Variants in PPP2R5E observed in about 807,000 individuals in gnomAD.
PPP2R5E encodes the protein protein phosphatase 2 regulatory subunit B'epsilon, also known as serine/threonine-protein phosphatase 2A 56 kDa regulatory subunit epsilon isoform.
PPP2R5E carries 4 observed loss-of-function variants against 65.3 expected under a neutral mutation model. That is an observed-to-expected ratio of 0.06 (90% CI 0.03 to 0.14). The LOEUF is 0.14. Among genes scored for constraint, PPP2R5E ranks in the 10% least tolerant of loss-of-function variants. The pLI, the probability that PPP2R5E is intolerant of heterozygous loss-of-function variation, is 1.00. For missense variants in PPP2R5E, 274 were observed against 556.1 expected, an observed-to-expected ratio of 0.49 and a Z score of 5.10; for synonymous variants, 183 against 187.4, an observed-to-expected ratio of 0.98 and a Z score of 0.19.
chr14:63,502,415 C>A (rs1261860467), intron 2 of PPP2R5E, among the ~76,000 whole-genome samples: 4 of 152,132 alleles, frequency 2.6e-5, no homozygotes, highest in African/African-American at 9.7e-5. Context: ...CAGTGGCTCA[C>A]GCCTGTAATC....
At chr14:63,517,349 T>C (rs931570723) in intron 2 of PPP2R5E, among the ~76,000 whole-genome samples, 1 of 152,212 alleles carries the variant, frequency 6.6e-6, no homozygotes, top group East Asian at 1.9e-4. Flanking sequence ...ATTTTGATAT[T>C]AAATATAGAT....
intron 3 of PPP2R5E, among the ~76,000 whole-genome samples, chr14:63,427,498 A>G (rs1331280562): frequency 6.6e-6 from 1 of 152,198 alleles, no homozygotes. Context: ...TTAGGATCAA[A>G]CTAAAGGCTT....
At chr14:63,425,026 T>C (rs770079131) in intron 3 of PPP2R5E, among the ~76,000 whole-genome samples, 21 of 152,258 alleles carry the variant, frequency 1.4e-4, no homozygotes, top group Admixed American at 3.3e-4. Flanking sequence ...ATTGAGGAAA[T>C]AGAAGCATGG....
chr14:63,390,314 ACACACAC>A (rs1884943890), intron 10 of PPP2R5E, among the ~76,000 whole-genome samples: 2 of 151,762 alleles, frequency 1.3e-5, no homozygotes, highest in African/African-American at 4.9e-5. Context: ...ACACACACAC[ACACACAC>A]ACACACACAC....
At chr14:63,389,220 T>C (rs1884863470) in intron 11 of PPP2R5E, among the ~76,000 whole-genome samples, 1 of 151,762 alleles carries the variant, frequency 6.6e-6, no homozygotes, top group Non-Finnish European at 1.5e-5. Flanking sequence ...TAGTAAGGAA[T>C]ATTAGGTTTT....
chr14:63,415,426 A>G (rs1594848500), intron 4 of PPP2R5E, among the ~76,000 whole-genome samples, 194 bp from the exon 5 acceptor site: 1 of 152,290 alleles, frequency 6.6e-6, no homozygotes, highest in East Asian at 1.9e-4. Flanking sequence ...TTTAAATTAG[A>G]AAATACAACT....
intron 2 of PPP2R5E, among the ~76,000 whole-genome samples, chr14:63,537,318 G>C (rs559347399): frequency 6.6e-6 from 1 of 152,030 alleles, no homozygotes; most frequent in South Asian, 2.1e-4. Context: ...ATCTACTTCA[G>C]ATTAAATAGA....
intron 5 of PPP2R5E, among the ~76,000 whole-genome samples, chr14:63,412,713 T>C (rs1401698416): frequency 6.6e-6 from 1 of 152,240 alleles, no homozygotes; most frequent in Admixed American, 6.5e-5. Context: ...TTTCTATTTA[T>C]CTTGGGGATT....
At chr14:63,452,377 C>T (rs972570436) in intron 3 of PPP2R5E, 7 of 152,192 alleles carry the variant, frequency 4.6e-5, no homozygotes, top group African/African-American at 1.7e-4. Context: ...CCAGATAATT[C>T]TTTATTGTGG....
At chr14:63,473,768 A>C (rs771956888) in intron 2 of PPP2R5E, among the ~76,000 whole-genome samples, 2 of 152,214 alleles carry the variant, frequency 1.3e-5, no homozygotes, top group Non-Finnish European at 2.9e-5. Flanking sequence ...CAAGTCTCTT[A>C]AAGTTTTTAG....
chr14:63,489,789 G>GAATTT (rs10624396), intron 2 of PPP2R5E, among the ~76,000 whole-genome samples: 22,166 of 151,960 alleles, frequency 0.15, 1,726 homozygotes, highest in East Asian at 0.21. Context: ...TGGTATGTCA[G>GAATTT]AATTCAAGTA....
At chr14:63,440,906 G>A (rs1036556444) in intron 3 of PPP2R5E, among the ~76,000 whole-genome samples, 6 of 140,140 alleles carry the variant, frequency 4.3e-5, no homozygotes, top group African/African-American at 1.1e-4. Flanking sequence ...CCGAGATCGC[G>A]CCACTGCACT....
chr14:63,373,467 CACA>C lies in PPP2R5E; in HGVS notation c.*2539_*2541del, dbSNP rs1306947629. On this transcript the variant is annotated 3_prime_UTR_variant, in exon 14 of 14. Transcript: ENST00000337537. ...ACCTCAGTTACTCTGCGTCACCGCA[CACA>C]ACATGACTAATGTCACATTGTCACT... 13 of 152,032 alleles carry C rather than the reference CACA, an allele frequency of 8.6e-5. 1 individual carries two copies. Among genetic ancestry groups the C allele is most frequent in the South Asian group, 2.1e-4 (1 of 4,818 alleles). 9.4% of individuals were successfully genotyped at this position (152,032 alleles called of 1,614,324 possible).
chr14:63,454,022 A>G (rs1052496279), intron 2 of PPP2R5E, 137 bp from the exon 3 acceptor site: 2 of 624,130 alleles, frequency 3.2e-6, no homozygotes, highest in Non-Finnish European at 5.0e-6. Context: ...TCACAGTTAC[A>G]CATGGGTGGG....
chr14:63,405,908 G>A (rs1886051095), intron 5 of PPP2R5E, among the ~76,000 whole-genome samples: 1 of 152,172 alleles, frequency 6.6e-6, no homozygotes, highest in South Asian at 2.1e-4. Context: ...AGACAAAAGT[G>A]CACTATGCAA....
At chr14:63,485,464 G>A (rs12896960) in intron 2 of PPP2R5E, among the ~76,000 whole-genome samples, 21,048 of 152,076 alleles carry the variant, frequency 0.14, 2,011 homozygotes, top group Non-Finnish European at 0.2. Context: ...GCCCAGGCTG[G>A]AGTGCAACAG....
At chr14:63,524,092 C>T (rs1193966275) in intron 2 of PPP2R5E, among the ~76,000 whole-genome samples, 1 of 152,138 alleles carries the variant, frequency 6.6e-6, no homozygotes, top group African/African-American at 2.4e-5. Context: ...CAGTATTTTT[C>T]CTGAAATGGT....
chr14:63,469,117 T>G (rs1169370821), intron 2 of PPP2R5E, among the ~76,000 whole-genome samples: 1 of 152,198 alleles, frequency 6.6e-6, no homozygotes, highest in African/African-American at 2.4e-5. Flanking sequence ...GAACACTTTT[T>G]ACATGCCAGG....
intron 3 of PPP2R5E, among the ~76,000 whole-genome samples, chr14:63,431,111 T>A (rs1887645684): frequency 6.6e-6 from 1 of 151,932 alleles, no homozygotes; most frequent in Admixed American, 6.6e-5. Flanking sequence ...GTACTAAAAA[T>A]ACAAAAATTA....
Sources: gnomAD v4.1 joint callset for allele counts (sites outside exome capture counted in the v4.1 genomes callset) on GRCh38, gnomAD v4.1.1 for gene constraint, MANE v1.5 for transcripts, NCBI Gene and HGNC (gene_info 2026-07-23, HGNC 2026-07-21) for gene names.